JADE2: variants seen among roughly 807,000 people sequenced by gnomAD.
The protein encoded by JADE2 is jade family PHD finger 2, also known as E3 ubiquitin-protein ligase Jade-2.
JADE2 carries 13 observed loss-of-function variants against 85.7 expected under a neutral mutation model. That is an observed-to-expected ratio of 0.15 (90% confidence interval 0.10 to 0.24). The LOEUF (loss-of-function observed/expected upper bound fraction) is 0.24, where lower values mean the gene tolerates loss of function less well. JADE2 is among the 10% of genes least tolerant of loss of function. JADE2 has a pLI of 1.00. For missense variants in JADE2, 846 were observed against 1,115.9 expected (o/e 0.76, Z 3.45); for synonymous variants, 440 against 456.1 (o/e 0.96, Z 0.45).
rs543220843 is a variant in JADE2, at chr5:134,562,648, C to T, written c.852+281C>T. Among the ~76,000 whole-genome samples the T allele has an allele frequency of 5.9e-5, 9 of 152,210 alleles. No homozygotes were observed. The East Asian group carries it at 1.7e-3, about 29-fold the overall frequency. On this transcript the variant is annotated intron_variant, in intron 7 of 11. Coordinates refer to ENST00000681547, the MANE Select transcript of JADE2 (RefSeq NM_001388185.1). The surrounding 1 kb of genome is among the most constrained non-coding windows in gnomAD (Gnocchi z 4.6). ...GCATGGTGGCAGGCACCTGTAGTCC[C>T]AGCTACTCAGGAGGCAGAGGCAGGA...
intron 3 of JADE2, among the ~76,000 whole-genome samples, chr5:134,542,899 A>G (rs1216599568): frequency 6.6e-6 from 1 of 151,502 alleles, no homozygotes; most frequent in Non-Finnish European, 1.5e-5. Context: ...TGCCGGGCTA[A>G]TTTTTGTATT....
At chr5:134,555,226 G>A (rs950379997) in intron 4 of JADE2, among the ~76,000 whole-genome samples, 6 of 152,082 alleles carry the variant, frequency 3.9e-5, no homozygotes, top group African/African-American at 1.2e-4. Flanking sequence ...CACTTGTCTC[G>A]CCCCTCTCCA....
At chr5:134,570,295 C>T (rs979562062) in intron 9 of JADE2, among the ~76,000 whole-genome samples, 3 of 152,140 alleles carry the variant, frequency 2.0e-5, no homozygotes, top group African/African-American at 4.8e-5. Flanking sequence ...CCGAGCCTCT[C>T]GGTCCATTCT....
Position 134,535,907 on chromosome 5 carries a change from C to T in JADE2, c.50C>T (p.Thr17Ile). The T allele has an allele frequency of 1.2e-6, 2 of 1,613,598 alleles. No individual in the cohort carries two copies. The highest frequency in any genetic ancestry group is 4.5e-5 in the East Asian group (2 of 44,890). The part of the protein sequence containing the change: ...KYSISSDNSD[T>I]TDSHATSTSA... ...TCCATCAGCAGTGACAACTCTGACA[C>T]CACTGACAGTAAGGCCTTCCAGTTT... Residue 17 changes from threonine to isoleucine, a missense_variant, in exon 2 of 12, where the codon ACC becomes ATC. Around this residue, in one of 9 missense-constraint regions of JADE2, gnomAD observed 47 missense variants for 42.2 expected, o/e 1.11. Transcript: ENST00000681547.
chr5:134,557,066 A>AAC (rs1258050849), intron 4 of JADE2, among the ~76,000 whole-genome samples: 1 of 140,404 alleles, frequency 7.1e-6, no homozygotes, highest in Admixed American at 7.1e-5. Context: ...CATCACATAA[A>AAC]ACACACACAC....
At chr5:134,539,271 G>C (rs995738559) in intron 3 of JADE2, among the ~76,000 whole-genome samples, 10 of 152,214 alleles carry the variant, frequency 6.6e-5, no homozygotes, top group African/African-American at 2.2e-4. Context: ...CACCGTGTTA[G>C]CCAGGATGGT....
chr5:134,559,196 C>G (rs531896656), intron 4 of JADE2, among the ~76,000 whole-genome samples: 5 of 152,146 alleles, frequency 3.3e-5, no homozygotes, highest in Non-Finnish European at 7.4e-5. Context: ...CACCCTGGGC[C>G]GCAGCCGTGT....
intron 1 of JADE2, among the ~76,000 whole-genome samples, chr5:134,529,774 T>C (rs953748304): frequency 6.6e-6 from 1 of 152,192 alleles, no homozygotes; most frequent in African/African-American, 2.4e-5. Flanking sequence ...GCAGCCGATA[T>C]GGGAGCGAGT....
At chr5:134,530,306 C>G (rs1761150623) in intron 1 of JADE2, among the ~76,000 whole-genome samples, 1 of 152,254 alleles carries the variant, frequency 6.6e-6, no homozygotes, top group South Asian at 2.1e-4. Context: ...AGCGGTCTGC[C>G]TCAGACAGGG....
At chr5:134,574,229 G>A (rs1480105707) in intron 10 of JADE2, 1 of 225,992 alleles carries the variant, frequency 4.4e-6, no homozygotes, top group East Asian at 1.5e-4. Context: ...GACCCTAACA[G>A]GATTTATGCC....
intron 5 of JADE2, among the ~76,000 whole-genome samples, 167 bp downstream of exon 5, chr5:134,560,157 C>T (rs1415738723): frequency 6.6e-6 from 1 of 152,188 alleles, no homozygotes; most frequent in Non-Finnish European, 1.5e-5. Flanking sequence ...TGTCTCTGTG[C>T]CACCTGAAGT....
intron 8 of JADE2, among the ~76,000 whole-genome samples, chr5:134,565,079 T>C (rs140137357): frequency 3.3e-5 from 5 of 152,288 alleles, no homozygotes; most frequent in Non-Finnish European, 7.4e-5. Flanking sequence ...TTGGTAAACA[T>C]AGACTGCTGG....
intron 9 of JADE2, among the ~76,000 whole-genome samples, chr5:134,569,511 C>T (rs954621855): frequency 2.6e-5 from 4 of 152,212 alleles, no homozygotes; most frequent in African/African-American, 4.8e-5. Context: ...TGACAAAAAT[C>T]GCAGCACTGT....
intron 1 of JADE2, among the ~76,000 whole-genome samples, chr5:134,528,781 G>T (rs1561719975): frequency 6.6e-6 from 1 of 152,302 alleles, no homozygotes; most frequent in East Asian, 1.9e-4. Context: ...TTGGCCAAGG[G>T]TCCCCCCATC....
At chr5:134,563,094 A>G (rs1366045483) in intron 7 of JADE2, among the ~76,000 whole-genome samples, 1 of 151,942 alleles carries the variant, frequency 6.6e-6, no homozygotes, top group Non-Finnish European at 1.5e-5. Flanking sequence ...GAGGTGGGTG[A>G]ATCACTTGAG....
At chr5:134,531,178 C>G (rs1182100200) in intron 1 of JADE2, among the ~76,000 whole-genome samples, 1 of 152,116 alleles carries the variant, frequency 6.6e-6, no homozygotes, top group Non-Finnish European at 1.5e-5. Flanking sequence ...GAAGAATATT[C>G]CAAACAGAGT....
chr5:134,543,416 T>C (rs888741686), intron 3 of JADE2, among the ~76,000 whole-genome samples: 1 of 146,680 alleles, frequency 6.8e-6, no homozygotes, highest in Non-Finnish European at 1.5e-5. Flanking sequence ...CTCATGCCTG[T>C]AATCCCAGCA....
chr5:134,534,739 G>T (rs896669600), intron 1 of JADE2, among the ~76,000 whole-genome samples: 1 of 152,122 alleles, frequency 6.6e-6, no homozygotes, highest in Non-Finnish European at 1.5e-5. Context: ...CCTTTGCTGT[G>T]GGGAGTCAGT....
chr5:134,575,553 G>A lies in JADE2; in HGVS notation c.1553-1215G>A, dbSNP rs1764307860. On this transcript the variant is annotated intron_variant, in intron 10 of 11. Coordinates refer to ENST00000681547, the MANE Select transcript of JADE2 (RefSeq NM_001388185.1). ...GGGAGGAGCTTACACTGTCCTGAGA[G>A]CAGTGGGGAGCCTCAGGAGCCTGCC... is the stretch of plus-strand genomic sequence containing the variant. 4 of 152,278 alleles carry A rather than the reference G, an allele frequency of 2.6e-5. No homozygotes were observed. The South Asian group carries it at 8.3e-4, about 32-fold the overall frequency. 9.4% of individuals were successfully genotyped at this position (152,278 alleles called of 1,614,324 possible). A position where few individuals can be genotyped will look rare whatever the true frequency, so the allele number is the denominator to read the frequency against.
Sources: gnomAD v4.1 joint callset for allele counts (sites outside exome capture counted in the v4.1 genomes callset) on GRCh38, gnomAD v4.1.1 for gene constraint, gnomAD v4.1.1 regional missense constraint, Gnocchi (gnomAD v3.1) non-coding constraint, MANE v1.5 for transcripts, NCBI Gene and HGNC (gene_info 2026-07-23, HGNC 2026-07-21) for gene names.